AUTS2: variants seen among roughly 807,000 people sequenced by gnomAD.
The protein encoded by AUTS2 is autism susceptibility gene 2 protein.
A neutral mutation model predicts 112.4 loss-of-function variants in AUTS2; 17 were observed. The ratio of observed to expected loss-of-function variants is 0.15; its 90% CI spans 0.10 to 0.23. The LOEUF (loss-of-function observed/expected upper bound fraction) is 0.23, where lower values mean the gene tolerates loss of function less well. AUTS2 is among the 10% of genes least tolerant of loss of function. AUTS2 has a pLI of 1.00. For synonymous variants in AUTS2, 751 were observed against 702.7 expected, an observed-to-expected ratio of 1.07 and a Z score of -1.09; for missense variants, 1,510 against 1,701.6, an observed-to-expected ratio of 0.89 and a Z score of 1.98.
chr7:69,901,130 TA>T, intron 2 of AUTS2, among the ~76,000 whole-genome samples: 1 of 152,152 alleles, frequency 6.6e-6, no homozygotes, highest in Non-Finnish European at 1.5e-5. Context: ...TTTTTCTTGA[TA>T]GGGAGTTGGG....
chr7:70,658,736 T>A (rs148843720), intron 5 of AUTS2, among the ~76,000 whole-genome samples: 1 of 152,062 alleles, frequency 6.6e-6, no homozygotes, highest in African/African-American at 2.4e-5. Context: ...AGATAGAAAA[T>A]AGGAAGAAAA....
chr7:70,709,565 G>T (rs935860133), intron 6 of AUTS2, among the ~76,000 whole-genome samples: 7 of 152,132 alleles, frequency 4.6e-5, no homozygotes, highest in African/African-American at 1.7e-4. Flanking sequence ...ACAAAAATGA[G>T]GTGGGCATGG....
chr7:69,629,939 G>C (rs963167851), intron 1 of AUTS2, among the ~76,000 whole-genome samples: 17 of 152,080 alleles, frequency 1.1e-4, no homozygotes, highest in African/African-American at 3.4e-4. Context: ...GAATCAGGCA[G>C]GTTATGCCCA....
chr7:70,602,571 C>T (rs986379082), intron 5 of AUTS2, among the ~76,000 whole-genome samples: 5 of 152,158 alleles, frequency 3.3e-5, no homozygotes, highest in Non-Finnish European at 5.9e-5. Flanking sequence ...ATGAGATCAC[C>T]CTGAGTCTCA....
chr7:70,556,931 C>G (rs1801272601), intron 5 of AUTS2, among the ~76,000 whole-genome samples: 2 of 152,212 alleles, frequency 1.3e-5, no homozygotes, highest in Admixed American at 1.3e-4. Context: ...GCTCATCCTT[C>G]AGAACCCAAC....
chr7:70,792,824 T>C lies in AUTS2; in HGVS notation c.*1828T>C, dbSNP rs1792058383. On this transcript the variant is annotated 3_prime_UTR_variant, in exon 19 of 19. Transcript: ENST00000342771. Reference sequence around the variant, plus strand: ...CAGCATGTTCTCATCGGCGGAGCCTTCTTGTGTAATGTAAACTGTGCCATG... The same window carrying C: ...CAGCATGTTCTCATCGGCGGAGCCTCCTTGTGTAATGTAAACTGTGCCATG... The C allele has an allele frequency of 6.6e-6, 1 of 152,632 alleles. No homozygotes were observed. The allele number at this position is 152,632 out of a possible 1,614,324, so 9.5% of individuals were successfully genotyped here.
At chr7:70,772,710 C>A (rs1331553030) in intron 11 of AUTS2, among the ~76,000 whole-genome samples, 4 of 152,238 alleles carry the variant, frequency 2.6e-5, no homozygotes, top group African/African-American at 9.6e-5. Context: ...TTCAGTTCAT[C>A]TATTGAATTT....
intron 5 of AUTS2, among the ~76,000 whole-genome samples, chr7:70,622,986 T>C (rs1209675605): frequency 1.3e-5 from 2 of 152,206 alleles, no homozygotes; most frequent in Admixed American, 1.3e-4. Context: ...TGGGAGTTAA[T>C]TACCACATTT....
chr7:70,279,848 C>T (rs1788121239), intron 4 of AUTS2, among the ~76,000 whole-genome samples: 1 of 152,138 alleles, frequency 6.6e-6, no homozygotes, highest in Non-Finnish European at 1.5e-5. Flanking sequence ...CTATCTGATG[C>T]CCCCTTCCAT....
At chr7:70,329,151 A>G (rs989353679) in intron 4 of AUTS2, among the ~76,000 whole-genome samples, 1 of 152,206 alleles carries the variant, frequency 6.6e-6, no homozygotes, top group Non-Finnish European at 1.5e-5. Flanking sequence ...GTATTTGTAT[A>G]TAACATGATT....
At chr7:69,926,454 T>C (rs1356575955) in intron 2 of AUTS2, among the ~76,000 whole-genome samples, 1 of 104,208 alleles carries the variant, frequency 9.6e-6, no homozygotes, top group Non-Finnish European at 2.1e-5. Context: ...TGTCTATCTA[T>C]CTATCTATCT....
At chr7:69,717,764 C>T (rs897239617) in intron 1 of AUTS2, among the ~76,000 whole-genome samples, 3 of 152,088 alleles carry the variant, frequency 2.0e-5, no homozygotes, top group Non-Finnish European at 4.4e-5. Context: ...AAAGGCTCTT[C>T]CTCTGTTTCT....
chr7:70,250,527 T>C (rs1036856915), intron 4 of AUTS2, among the ~76,000 whole-genome samples: 2 of 152,220 alleles, frequency 1.3e-5, no homozygotes, highest in African/African-American at 4.8e-5. Flanking sequence ...CTCATCAGAA[T>C]GAAACTACAA....
At position 70,222,705 on chromosome 7, in the gene AUTS2, T is replaced by G. The variant is rs566944576; in HGVS notation, c.660+88134T>G. ...TCATGAATATCACAGTTCAAGGTTC[T>G]GCTACTGCTTTTAGAAGCCCCCAAA... is the stretch of plus-strand genomic sequence containing the variant. On this transcript the variant is annotated intron_variant, in intron 4 of 18. Coordinates refer to ENST00000342771, the MANE Select transcript of AUTS2 (RefSeq NM_015570.4). Among the ~76,000 whole-genome samples, 5 of 152,188 alleles carry G rather than the reference T, an allele frequency of 3.3e-5. No homozygotes were observed. In the East Asian group the frequency reaches 9.7e-4, roughly 30 times the overall value.
At chr7:69,978,448 C>A (rs1798147086) in intron 2 of AUTS2, among the ~76,000 whole-genome samples, 1 of 152,140 alleles carries the variant, frequency 6.6e-6, no homozygotes, top group Non-Finnish European at 1.5e-5. Context: ...TCTTCATGAG[C>A]TATTCAATCC....
intron 4 of AUTS2, among the ~76,000 whole-genome samples, chr7:70,344,724 A>G (rs1791417627): frequency 6.6e-6 from 1 of 151,990 alleles, no homozygotes; most frequent in Admixed American, 6.6e-5. Flanking sequence ...TGTCTCCCCC[A>G]CCCCATCCTG....
chr7:70,770,898 C>T (rs1032054697), intron 10 of AUTS2, among the ~76,000 whole-genome samples: 10 of 152,174 alleles, frequency 6.6e-5, no homozygotes, highest in African/African-American at 2.4e-4. Flanking sequence ...ATCTTCTAGA[C>T]AAATTGGCAG....
At chr7:70,037,475 G>A (rs956210418) in intron 2 of AUTS2, among the ~76,000 whole-genome samples, 5 of 152,002 alleles carry the variant, frequency 3.3e-5, no homozygotes, top group African/African-American at 1.2e-4. Flanking sequence ...CTATATATAT[G>A]TACCTGATAA....
At chr7:69,689,197 C>T (rs1189001244) in intron 1 of AUTS2, among the ~76,000 whole-genome samples, 1 of 152,054 alleles carries the variant, frequency 6.6e-6, no homozygotes, top group Non-Finnish European at 1.5e-5. Flanking sequence ...TTCATAAAGA[C>T]TACTGATAGT....
Sources: allele counts gnomAD v4.1 joint callset (sites outside exome capture counted in the v4.1 genomes callset), GRCh38; gene constraint gnomAD v4.1.1; transcripts MANE v1.5; gene names NCBI Gene and HGNC (gene_info 2026-07-23, HGNC 2026-07-21).